Variants in INSR observed in about 807,000 individuals in gnomAD.
INSR encodes the protein insulin receptor, also known as IR.
Under a neutral mutation model 142.6 loss-of-function variants are expected in INSR, and 67 were observed. The ratio of observed to expected loss-of-function variants is 0.47; its 90% CI spans 0.39 to 0.58. The LOEUF (loss-of-function observed/expected upper bound fraction) is 0.58. Ranked by LOEUF, INSR falls within the 20% of genes least tolerant of loss-of-function variation. The pLI, the probability that INSR is intolerant of heterozygous loss-of-function variation, is 0.00. For synonymous variants in INSR, 756 were observed against 743.1 expected (o/e 1.02, Z -0.28); for missense variants, 1,248 against 1,833.2 (o/e 0.68, Z 5.83).
chr19:7,225,714 AAAG>A lies in INSR; in HGVS notation c.653-41080_653-41078del, dbSNP rs1349661419. ...GGTTTCCATTTCCCCCCCCTCAAAA[AAAG>A]AGCAGAGAATAATTGCAGAGTGCCC... On this transcript the variant is annotated intron_variant, in intron 2 of 21. Transcript: ENST00000302850. The surrounding 1 kb of genome is among the most constrained non-coding windows in gnomAD (Gnocchi z 4.7). Among the ~76,000 whole-genome samples, 1 of 151,458 alleles carries A rather than the reference AAAG, an allele frequency of 6.6e-6. No individual in the cohort carries two copies. The highest frequency in any genetic ancestry group is 1.9e-4 in the East Asian group (1 of 5,188).
intron 2 of INSR, among the ~76,000 whole-genome samples, chr19:7,210,656 T>A (rs1975247491): frequency 6.6e-6 from 1 of 151,982 alleles, no homozygotes; most frequent in Non-Finnish European, 1.5e-5. Context: ...GCATAAAAGT[T>A]AAGGCGTGCC....
chr19:7,132,324 G>A lies in INSR; in HGVS notation c.2683-7C>T, dbSNP rs771860630. Reference sequence around the variant, plus strand: ...AGACGCAGAGATGCAGCTCCTGGGAGGAAGAGAGGAGGAGAAGGAGGGTGG... The same window carrying A: ...AGACGCAGAGATGCAGCTCCTGGGAAGAAGAGAGGAGGAGAAGGAGGGTGG... On this transcript the variant is annotated splice_polypyrimidine_tract_variant and splice_region_variant and intron_variant, in intron 13 of 21. Coordinates refer to ENST00000302850, the MANE Select transcript of INSR (RefSeq NM_000208.4). The A allele has an allele frequency of 6.2e-6, 10 of 1,613,526 alleles. No individual in the cohort carries two copies. The East Asian group carries it at 2.0e-4, about 32-fold the overall frequency.
chr19:7,129,733 C>T (rs1343008370), intron 14 of INSR, among the ~76,000 whole-genome samples: 1 of 151,974 alleles, frequency 6.6e-6, no homozygotes, highest in Non-Finnish European at 1.5e-5. Flanking sequence ...CAGATGTAAA[C>T]TTCTTTTAAT....
At chr19:7,288,544 T>C (rs1399119226) in intron 1 of INSR, among the ~76,000 whole-genome samples, 2 of 147,770 alleles carry the variant, frequency 1.4e-5, no homozygotes, top group African/African-American at 5.0e-5. Context: ...GGAACCTAGG[T>C]GGGAGGACTG....
chr19:7,271,956 T>TC (rs1443813725), intron 1 of INSR, among the ~76,000 whole-genome samples: 1 of 150,792 alleles, frequency 6.6e-6, no homozygotes, highest in Non-Finnish European at 1.5e-5. Flanking sequence ...ACTGCAGTGA[T>TC]CTGTGTTTGT....
At chr19:7,249,782 G>A (rs538566651) in intron 2 of INSR, among the ~76,000 whole-genome samples, 203 of 152,232 alleles carry the variant, frequency 1.3e-3, no homozygotes, top group African/African-American at 4.3e-3. Flanking sequence ...CACGAGGTCA[G>A]GAGATCGAGA....
At position 7,150,459 on chromosome 19, in the gene INSR, G is replaced by T; in HGVS notation, c.2267+38C>A. 1 of 1,607,788 alleles carries T rather than the reference G, an allele frequency of 6.2e-7. No homozygotes were observed. Among genetic ancestry groups the T allele is most frequent in the East Asian group, 2.2e-5 (1 of 44,846 alleles). On this transcript the variant is annotated intron_variant, in intron 11 of 21. Transcript: ENST00000302850. The surrounding 1 kb of genome is among the most constrained non-coding windows in gnomAD (Gnocchi z 4.2). ...CTGCCTGGCACGCCGCCGGCCCTGC[G>T]CGGAGCAGGCACCAGGGGTCGCACA... is the stretch of plus-strand genomic sequence containing the variant.
At chr19:7,118,969 A>G (rs1972410226) in intron 21 of INSR, among the ~76,000 whole-genome samples, 2 of 150,936 alleles carry the variant, frequency 1.3e-5, no homozygotes, top group African/African-American at 4.9e-5. Flanking sequence ...CTCTCCCCCA[A>G]CCCCAGGTCT....
rs1294230121 is a variant in INSR at position 7,292,083 on chromosome 19, A to G, written c.100+1709T>C. Among the ~76,000 whole-genome samples, 42 of 17,022 alleles carry G rather than the reference A, an allele frequency of 2.5e-3. No individual in the cohort carries two copies. The East Asian group carries it at 0.044, about 18-fold the overall frequency. The allele number at this position is 17,022 out of a possible 152,430, so 11.2% of individuals were successfully genotyped here. On this transcript the variant is annotated intron_variant, in intron 1 of 21. Transcript: ENST00000302850. ...GCTGGGATTACAAGCGTGAGCCACC[A>G]CGCCCCGCCTTTTTTTTTATTTTTT...
intron 9 of INSR, among the ~76,000 whole-genome samples, chr19:7,153,181 CACA>C (rs1973455034): frequency 2.7e-5 from 1 of 36,658 alleles, no homozygotes; most frequent in African/African-American, 1.2e-4. Context: ...ACCACAAACA[CACA>C]ACCACACACA....
At chr19:7,149,084 T>C (rs867415393) in intron 11 of INSR, among the ~76,000 whole-genome samples, 1 of 152,118 alleles carries the variant, frequency 6.6e-6, no homozygotes, top group African/African-American at 2.4e-5. Context: ...ATTTCTTGTA[T>C]TTTTAGTAGT....
At chr19:7,189,465 T>C (rs1188719847) in intron 2 of INSR, among the ~76,000 whole-genome samples, 1 of 152,116 alleles carries the variant, frequency 6.6e-6, no homozygotes, top group Non-Finnish European at 1.5e-5. Context: ...CACAAGCAAA[T>C]ACTTGAGGCT....
chr19:7,174,785 T>C (rs1053914042), intron 3 of INSR, 54 bp from the exon 4 acceptor site: 22 of 1,564,756 alleles, frequency 1.4e-5, no homozygotes, highest in Non-Finnish European at 1.8e-5. Context: ...GGTGTCACGG[T>C]ATCCAAGGTC....
chr19:7,250,568 A>G, intron 2 of INSR, among the ~76,000 whole-genome samples: 1 of 122,684 alleles, frequency 8.2e-6, no homozygotes, highest in South Asian at 3.2e-4. Flanking sequence ...ATAAAGAAAA[A>G]GGAAGGAAGG....
chr19:7,264,338 CA>C (rs1398272264), intron 2 of INSR, among the ~76,000 whole-genome samples: 1 of 151,954 alleles, frequency 6.6e-6, no homozygotes, highest in Admixed American at 6.6e-5. Flanking sequence ...GTCTCAAAAA[CA>C]AACAAACAAA....
chr19:7,137,866 G>A (rs534176903), intron 13 of INSR, among the ~76,000 whole-genome samples: 1,658 of 148,168 alleles, frequency 0.011, 36 homozygotes, highest in African/African-American at 0.039. Context: ...AGCCATGTGA[G>A]AAGCTCTTCA....
At chr19:7,207,069 C>T (rs1040958360) in intron 2 of INSR, among the ~76,000 whole-genome samples, 2 of 152,064 alleles carry the variant, frequency 1.3e-5, no homozygotes, top group African/African-American at 2.4e-5. Context: ...TATAGAATGC[C>T]GAGAATGATT....
rs1973305693 is a variant in INSR at position 7,150,376 on chromosome 19, AGCACAGC to A, written c.2267+114_2267+120del. 1.2e-6 allele frequency: 1 copy of A among 838,914 alleles called. No individual in the cohort carries two copies. The highest frequency in any genetic ancestry group is 2.0e-6 in the Non-Finnish European group (1 of 501,202). 52.0% of individuals were successfully genotyped at this position (838,914 alleles called of 1,614,324 possible). On this transcript the variant is annotated intron_variant, in intron 11 of 21. Transcript: ENST00000302850. The surrounding 1 kb of genome is among the most constrained non-coding windows in gnomAD (Gnocchi z 4.2). ...TGAATTGGTGAAGCATCTGCTCTCC[AGCACAGC>A]TGCCCGCCGCATGCAAAAAGCCACA...
chr19:7,135,503 ACT>A (rs1333048057), intron 13 of INSR, among the ~76,000 whole-genome samples: 2 of 143,210 alleles, frequency 1.4e-5, no homozygotes, highest in African/African-American at 5.2e-5. Flanking sequence ...ACAAAGCAAG[ACT>A]CTGTTTGAAA....
Sources: gnomAD v4.1 joint callset for allele counts (sites outside exome capture counted in the v4.1 genomes callset) on GRCh38, gnomAD v4.1.1 for gene constraint, Gnocchi (gnomAD v3.1) non-coding constraint, MANE v1.5 for transcripts, NCBI Gene and HGNC (gene_info 2026-07-23, HGNC 2026-07-21) for gene names.